The following RBFOX2 variants were observed in gnomAD, a reference collection of about 807,000 sequenced individuals.
RBFOX2 encodes RNA binding protein fox-1 homolog 2.
In RBFOX2, 10 loss-of-function variants were observed where a neutral mutation model predicts 49.1. That is an observed-to-expected ratio of 0.20 (90% confidence interval 0.13 to 0.35). The LOEUF is 0.35. RBFOX2 is among the 10% of genes least tolerant of loss of function. The pLI, the probability that RBFOX2 is intolerant of heterozygous loss-of-function variation, is 1.00. For synonymous variants in RBFOX2, 183 were observed against 187.4 expected, an observed-to-expected ratio of 0.98 and a Z score of 0.19; for missense variants, 323 against 486.9, an observed-to-expected ratio of 0.66 and a Z score of 3.17.
At chr22:35,871,103 C>CGTA (rs2044301072) in intron 1 of RBFOX2, among the ~76,000 whole-genome samples, 1 of 152,212 alleles carries the variant, frequency 6.6e-6, no homozygotes, top group Admixed American at 6.5e-5. Context: ...TGTTGGCTAC[C>CGTA]ACCCTTGAAA....
At chr22:35,969,425 C>T (rs957060680) in intron 1 of RBFOX2, among the ~76,000 whole-genome samples, 13 of 152,036 alleles carry the variant, frequency 8.6e-5, no homozygotes, top group African/African-American at 2.7e-4. Flanking sequence ...CACAAAAATT[C>T]GTCAGGCATG....
intron 1 of RBFOX2, among the ~76,000 whole-genome samples, chr22:35,875,892 A>T (rs187850489): frequency 5.8e-4 from 88 of 152,330 alleles, no homozygotes; most frequent in Non-Finnish European, 1.1e-3. Context: ...AAATAGTAAA[A>T]AAATAAATAA....
chr22:35,972,134 C>A (rs1425784076), intron 1 of RBFOX2, among the ~76,000 whole-genome samples: 7 of 151,900 alleles, frequency 4.6e-5, no homozygotes, highest in Admixed American at 2.6e-4. Context: ...AGCCCAGAAA[C>A]CCCCCAAACA....
intron 1 of RBFOX2, among the ~76,000 whole-genome samples, chr22:35,944,373 T>C (rs1299435275): frequency 1.3e-5 from 2 of 152,310 alleles, no homozygotes; most frequent in South Asian, 4.1e-4. Context: ...ATTATCAATA[T>C]CATTTCTGAA....
At chr22:35,745,785 C>A in intron 11 of RBFOX2, 138 bp downstream of exon 13, 1 of 828,186 alleles carries the variant, frequency 1.2e-6, no homozygotes, top group Non-Finnish European at 1.9e-6. Context: ...CATGAAACTT[C>A]CAGGTAGATC....
At chr22:35,805,289 CAAAAAAAAAAA>C (rs748086413) in intron 2 of RBFOX2, among the ~76,000 whole-genome samples, 1 of 37,916 alleles carries the variant, frequency 2.6e-5, no homozygotes, top group Non-Finnish European at 5.9e-5. Context: ...GACTCCGTCT[CAAAAAAAAAAA>C]AAAAAAAAAA....
At chr22:35,874,671 G>A (rs936576158) in intron 1 of RBFOX2, among the ~76,000 whole-genome samples, 1 of 152,188 alleles carries the variant, frequency 6.6e-6, no homozygotes, top group African/African-American at 2.4e-5. Context: ...ACTGATAAAT[G>A]AACTGTGGCC....
chr22:35,975,885 C>G (rs745362713), intron 1 of RBFOX2, among the ~76,000 whole-genome samples: 1 of 152,106 alleles, frequency 6.6e-6, no homozygotes, highest in Non-Finnish European at 1.5e-5. Flanking sequence ...TTACTTAATA[C>G]TGAGGAGATA....
intron 1 of RBFOX2, among the ~76,000 whole-genome samples, chr22:36,017,813 C>T (rs1305534054): frequency 6.6e-6 from 1 of 152,190 alleles, no homozygotes; most frequent in East Asian, 1.9e-4. Context: ...TACATATACA[C>T]ACGTGCACTC....
intron 1 of RBFOX2, among the ~76,000 whole-genome samples, chr22:35,923,707 C>T (rs1428665065): frequency 1.3e-5 from 2 of 151,762 alleles, no homozygotes; most frequent in Non-Finnish European, 2.9e-5. Context: ...GAGATTAAAA[C>T]CCTTCCCCCC....
chr22:35,912,103 G>A (rs2049899290), intron 1 of RBFOX2, among the ~76,000 whole-genome samples: 1 of 152,114 alleles, frequency 6.6e-6, no homozygotes, highest in South Asian at 2.1e-4. Flanking sequence ...CCAACTGACT[G>A]GCATATAACA....
At chr22:35,803,213 A>T (rs1395683557) in intron 2 of RBFOX2, among the ~76,000 whole-genome samples, 1 of 151,910 alleles carries the variant, frequency 6.6e-6, no homozygotes, top group Non-Finnish European at 1.5e-5. Context: ...AACACCCCAC[A>T]GTCACTACAA....
intron 1 of RBFOX2, among the ~76,000 whole-genome samples, chr22:35,955,711 T>C (rs936427674): frequency 2.0e-5 from 3 of 152,128 alleles, no homozygotes; most frequent in African/African-American, 7.2e-5. Context: ...GATGTGGTGC[T>C]CAGGCAGTAG....
rs1033026341 is a variant in RBFOX2 at position 35,759,697 on chromosome 22, T to C, written c.887+191A>G. ...GGCCAAAATGAAGACTTATAATGAA[T>C]TGACAGTTTGTCACATTCTGATGAT... On this transcript the variant is annotated intron_variant, in intron 9 of 11. Transcript: ENST00000405409. The surrounding 1 kb of genome is among the most constrained non-coding windows in gnomAD (Gnocchi z 4.6). Among the ~76,000 whole-genome samples the C allele has an allele frequency of 1.3e-5, 2 of 152,224 alleles. No homozygotes were observed. The highest frequency in any genetic ancestry group is 4.8e-5 in the African/African-American group (2 of 41,454).
intron 1 of RBFOX2, among the ~76,000 whole-genome samples, chr22:35,944,270 C>T (rs973376702): frequency 6.6e-6 from 1 of 152,116 alleles, no homozygotes; most frequent in African/African-American, 2.4e-5. Flanking sequence ...AACTTCAAAC[C>T]TATTAGGACA....
At chr22:35,879,180 C>T (rs1407702851) in intron 1 of RBFOX2, among the ~76,000 whole-genome samples, 2 of 152,204 alleles carry the variant, frequency 1.3e-5, no homozygotes, top group Non-Finnish European at 2.9e-5. Context: ...AGAAGCATTA[C>T]AGGCAGAAGA....
At chr22:35,994,405 A>ATTT (rs1214931631) in intron 1 of RBFOX2, 1 of 149,426 alleles carries the variant, frequency 6.7e-6, no homozygotes, top group Non-Finnish European at 1.5e-5. Flanking sequence ...TTATTTATTT[A>ATTT]TTTATTTATT....
At chr22:36,014,348 G>C (rs2058951548) in intron 1 of RBFOX2, among the ~76,000 whole-genome samples, 1 of 151,976 alleles carries the variant, frequency 6.6e-6, no homozygotes, top group Non-Finnish European at 1.5e-5. Flanking sequence ...CTGACCTCGT[G>C]ATCCGCCCGC....
At chr22:35,942,380 C>T (rs1435973500), upstream of RBFOX2, among the ~76,000 whole-genome samples, 1 of 151,984 alleles carries the variant, frequency 6.6e-6, no homozygotes, top group Non-Finnish European at 1.5e-5. Context: ...ATATTGAATG[C>T]ATATACCTTC....
Sources: gnomAD v4.1 joint callset for allele counts (sites outside exome capture counted in the v4.1 genomes callset) on GRCh38, gnomAD v4.1.1 for gene constraint, Gnocchi (gnomAD v3.1) non-coding constraint, MANE v1.5 for transcripts, NCBI Gene and HGNC (gene_info 2026-07-23, HGNC 2026-07-21) for gene names.